AAGAB: variants seen among roughly 807,000 people sequenced by gnomAD.
The protein encoded by AAGAB is alpha- and gamma-adaptin-binding protein p34.
A neutral mutation model predicts 44.1 loss-of-function variants in AAGAB; 38 were observed. The observed-to-expected ratio is 0.86, with a 90% CI of 0.67 to 1.13. AAGAB has a LOEUF of 1.13. AAGAB is among the 50% of genes most tolerant of loss of function. The pLI is 0.00. For synonymous variants in AAGAB, 131 were observed against 131.8 expected (o/e 0.99, Z 0.04); for missense variants, 450 against 373.8 (o/e 1.20, Z -1.68).
intron 1 of AAGAB, chr15:67,242,649 T>G (rs1964630686): frequency 6.6e-6 from 1 of 152,202 alleles, no homozygotes; most frequent in African/African-American, 2.4e-5. Flanking sequence ...CATGGTAGTA[T>G]TTAAAGGTTA....
At position 67,247,782 on chromosome 15, in the gene AAGAB, A is replaced by G. The variant is rs114945425; in HGVS notation, c.73+6777T>C. On this transcript the variant is annotated intron_variant, in intron 1 of 9. Transcript: ENST00000261880. The stretch of plus-strand genomic sequence containing the variant: ...TAGAGTCATTTTCATTTATTATTTA[A>G]CTTATCACACTTTATCTACTAAGGC... 5.7e-3 allele frequency among the ~76,000 whole-genome samples: 865 copies of G among 152,328 alleles called. 6 individuals carry two copies. The highest frequency in any genetic ancestry group is 0.02 in the African/African-American group (817 of 41,568).
chr15:67,232,515 G>A, intron 4 of AAGAB: 1 of 366,512 alleles, frequency 2.7e-6, no homozygotes, highest in East Asian at 7.1e-5. Context: ...AAAACAAATG[G>A]TCATTGATGT....
intron 1 of AAGAB, among the ~76,000 whole-genome samples, chr15:67,253,437 A>AT (rs1292330995): frequency 6.6e-6 from 1 of 152,020 alleles, no homozygotes; most frequent in Non-Finnish European, 1.5e-5. Context: ...CAAAACAAAA[A>AT]TAAAAAAAAG....
rs1365847840 is a variant in AAGAB, at chr15:67,204,639, AAAAC to A, written c.716-495_716-492del. 3.3e-5 allele frequency among the ~76,000 whole-genome samples: 5 copies of A among 152,374 alleles called. No individual in the cohort carries two copies. The East Asian group carries it at 9.6e-4, about 29-fold the overall frequency. On this transcript the variant is annotated intron_variant, in intron 7 of 9. Transcript: ENST00000261880. ...AGAATAACAGAAATGATATGAAAAAAAAACCTGTATCTAAAAATGAACTCATCTA... is the reference window on the plus strand; with the variant it reads ...AGAATAACAGAAATGATATGAAAAAACTGTATCTAAAAATGAACTCATCTA...
intron 6 of AAGAB, 33 bp downstream of exon 6, chr15:67,209,429 A>C (rs777052173): frequency 6.5e-7 from 1 of 1,544,426 alleles, no homozygotes; most frequent in East Asian, 2.2e-5. Context: ...ATTAAAGCCA[A>C]AGAGGGAAAA....
chr15:67,211,780 G>A (rs990424630), intron 5 of AAGAB, among the ~76,000 whole-genome samples: 19 of 152,062 alleles, frequency 1.2e-4, no homozygotes, highest in South Asian at 4.1e-4. Context: ...TCTGTTAGGC[G>A]TCCCCTAAAC....
rs538372698 is a variant in AAGAB, at chr15:67,214,861, C to G, written c.536-5317G>C. Among the ~76,000 whole-genome samples the G allele has an allele frequency of 1.9e-4, 29 of 151,950 alleles. 2 individuals are homozygous for G. In the East Asian group the frequency reaches 5.6e-3, roughly 29 times the overall value. ...TTCACCGTGTTAGCCAGGATGGTCT[C>G]AATCTCCTGACCTCGTGATCTGCCC... On this transcript the variant is annotated intron_variant, in intron 5 of 9. Transcript: ENST00000261880.
At position 67,236,722 on chromosome 15, in the gene AAGAB, T is replaced by C. The variant is rs1157491698; in HGVS notation, c.172A>G (p.Ile58Val). Residue 58 changes from isoleucine to valine, a missense_variant, in exon 2 of 10, where the codon ATC becomes GTC. Ile to Val is a conservative substitution (Grantham distance 29). Transcript: ENST00000261880. ...TIDNKYYSAD[I>V]NLCVVPNKFL... The stretch of plus-strand genomic sequence containing the variant: ...TTGTTTGGCACCACACATAGATTGA[T>C]GTCTGCTGAATAGTATTTATTATCA... 3 of 1,613,750 alleles carry C rather than the reference T, an allele frequency of 1.9e-6. No homozygotes were observed. Among genetic ancestry groups the C allele is most frequent in the Admixed American group, 1.7e-5 (1 of 60,034 alleles).
At chr15:67,245,048 C>A in intron 1 of AAGAB, among the ~76,000 whole-genome samples, 1 of 152,032 alleles carries the variant, frequency 6.6e-6, no homozygotes, top group Non-Finnish European at 1.5e-5. Flanking sequence ...TTAGAATCCT[C>A]ACTTATGGGA....
At chr15:67,225,999 G>C (rs1429562510) in intron 5 of AAGAB, among the ~76,000 whole-genome samples, 3 of 152,100 alleles carry the variant, frequency 2.0e-5, no homozygotes, top group Non-Finnish European at 4.4e-5. Flanking sequence ...CAGTGCACAA[G>C]GTTTCTAATT....
At chr15:67,250,624 G>C (rs1964840680) in intron 1 of AAGAB, among the ~76,000 whole-genome samples, 1 of 152,142 alleles carries the variant, frequency 6.6e-6, no homozygotes, top group Non-Finnish European at 1.5e-5. Context: ...TAAAACTTTT[G>C]TAAAATATAT....
intron 6 of AAGAB, 86 bp from the exon 7 acceptor site, chr15:67,208,744 G>T (rs545489939): frequency 2.5e-6 from 3 of 1,198,570 alleles, no homozygotes; most frequent in Non-Finnish European, 3.6e-6. Context: ...TTCAGTCCTT[G>T]GTTGGCTTGA....
chr15:67,217,071 C>G (rs914376249), intron 5 of AAGAB, among the ~76,000 whole-genome samples: 1 of 151,768 alleles, frequency 6.6e-6, no homozygotes, highest in Non-Finnish European at 1.5e-5. Flanking sequence ...TACACCCACA[C>G]ACACAGATAG....
chr15:67,255,017 G>A, upstream of AAGAB: 16 of 1,471,686 alleles, frequency 1.1e-5, no homozygotes, highest in Non-Finnish European at 1.5e-5. Context: ...CCCGCGCGCC[G>A]ATTCACCGAC....
intron 1 of AAGAB, among the ~76,000 whole-genome samples, chr15:67,247,359 T>C (rs1001826716): frequency 6.6e-6 from 1 of 152,226 alleles, no homozygotes; most frequent in Non-Finnish European, 1.5e-5. Flanking sequence ...TGTTGAGGAA[T>C]TACTGGGGCA....
In AAGAB at chr15:67,204,070, A is replaced by G. The variant is rs1191373607; in HGVS notation, c.794T>C (p.Leu265Pro). 3 of 1,607,974 alleles carry G rather than the reference A, an allele frequency of 1.9e-6. No homozygotes were observed. Among genetic ancestry groups the G allele is most frequent in the Non-Finnish European group, 2.6e-6 (3 of 1,174,670 alleles). Residue 265 changes from leucine to proline, a missense_variant, in exon 8 of 10, where the codon CTC becomes CCC. Transcript: ENST00000261880. Reference protein sequence around the residue: ...GGGDVENFERLFSKLKEMKDK... With the variant: ...GGGDVENFERPFSKLKEMKDK... ...TTTCATTTCCTTTAACTTTGAAAAG[A>G]GTCTTTCAAAATTCTCCACATCTCC... is the stretch of plus-strand genomic sequence containing the variant.
intron 1 of AAGAB, among the ~76,000 whole-genome samples, chr15:67,251,215 C>CGT (rs759231047): frequency 3.3e-3 from 468 of 143,610 alleles, no homozygotes; most frequent in African/African-American, 5.4e-3. Flanking sequence ...ATTTTAAGTG[C>CGT]GTGTGTGTGT....
intron 1 of AAGAB, among the ~76,000 whole-genome samples, chr15:67,243,508 T>C (rs1001246711): frequency 1.3e-5 from 2 of 152,178 alleles, no homozygotes; most frequent in African/African-American, 2.4e-5. Context: ...CCTTTAGACA[T>C]TTTTGGTCAT....
chr15:67,222,640 C>T (rs556768212), intron 5 of AAGAB, among the ~76,000 whole-genome samples: 5 of 152,274 alleles, frequency 3.3e-5, no homozygotes, highest in Admixed American at 3.3e-4. Context: ...CCAGTCCCTC[C>T]ACTTGTACAC....
Sources: gnomAD v4.1 joint callset for allele counts (sites outside exome capture counted in the v4.1 genomes callset) on GRCh38, gnomAD v4.1.1 for gene constraint, MANE v1.5 for transcripts, NCBI Gene and HGNC (gene_info 2026-07-23, HGNC 2026-07-21) for gene names.